The following TRIM49D1 variants were observed in gnomAD, a reference collection of about 807,000 sequenced individuals.
TRIM49D1 encodes the protein tripartite motif containing 49D1.
chr11:89,920,477 T>C lies in TRIM49D1; in HGVS notation c.-183A>G, dbSNP rs1438058950. On this transcript the variant is annotated 5_prime_UTR_variant, in exon 2 of 8. Transcript: ENST00000420869. ...AACTGAGCTTGTCTCTTCTATGTCC[T>C]TTTATAAGAATCTGTGAAGGCCACA... is the stretch of plus-strand genomic sequence containing the variant. 7.5e-6 allele frequency: 1 copy of C among 134,188 alleles called. No individual in the cohort carries two copies. Among genetic ancestry groups the C allele is most frequent in the Non-Finnish European group, 1.6e-5 (1 of 64,236 alleles). The allele number at this position is 134,188 out of a possible 1,614,324, so 8.3% of individuals were successfully genotyped here.
Position 89,921,889 on chromosome 11 carries a change from G to A in TRIM49D1, c.-253C>T, listed in dbSNP as rs958944880. On this transcript the variant is annotated 5_prime_UTR_variant, in exon 1 of 8. In the 5' UTR this introduces an upstream ATG that the reference lacks. Coordinates refer to ENST00000420869, the MANE Select transcript of TRIM49D1 (RefSeq NM_001384911.1). ...GCTAGTTACAAGAGCAGGACCTTTC[G>A]TTACATCTGCAAAATACCTTCCCAG... is the stretch of plus-strand genomic sequence containing the variant. 3.9e-5 allele frequency: 6 copies of A among 152,022 alleles called. No homozygotes were observed. The South Asian group carries it at 6.2e-4, about 16-fold the overall frequency. The allele number at this position is 152,022 out of a possible 1,614,324, so 9.4% of individuals were successfully genotyped here.
At chr11:89,920,790 T>C (rs575017864) in intron 1 of TRIM49D1, among the ~76,000 whole-genome samples, 14 of 152,104 alleles carry the variant, frequency 9.2e-5, no homozygotes, top group African/African-American at 2.7e-4. Flanking sequence ...TGGAGTGCAG[T>C]GGTACAGTCA....
At chr11:89,912,149 GA>G (rs1223999119) in intron 7 of TRIM49D1, 63 bp from the exon 8 acceptor site, 2 of 1,311,486 alleles carry the variant, frequency 1.5e-6, no homozygotes, top group African/African-American at 3.1e-5. Flanking sequence ...AAGAAAGAAA[GA>G]AAACATGCAT....
chr11:89,921,578 T>C (rs1007557561), intron 1 of TRIM49D1: 2 of 152,008 alleles, frequency 1.3e-5, no homozygotes, highest in Middle Eastern at 3.2e-3. Context: ...CCATAATATA[T>C]ATGAATACTT....
chr11:89,912,118 A>ATAAG, intron 7 of TRIM49D1, 32 bp from the exon 8 acceptor site: 1 of 1,326,630 alleles, frequency 7.5e-7, no homozygotes, highest in Non-Finnish European at 9.7e-7. Context: ...AAATAAATAA[A>ATAAG]TAAATAAATA....
rs1437696816 is a variant in TRIM49D1, at chr11:89,921,885, T to C, written c.-249A>G. ...ACTTGCTAGTTACAAGAGCAGGACCTTTCGTTACATCTGCAAAATACCTTC... is the reference window on the plus strand; with the variant it reads ...ACTTGCTAGTTACAAGAGCAGGACCCTTCGTTACATCTGCAAAATACCTTC... On this transcript the variant is annotated 5_prime_UTR_variant, in exon 1 of 8. Transcript: ENST00000420869. 1 of 152,108 alleles carries C rather than the reference T, an allele frequency of 6.6e-6. No individual in the cohort carries two copies. The highest frequency in any genetic ancestry group is 1.9e-4 in the East Asian group (1 of 5,190). The allele number at this position is 152,108 out of a possible 1,614,324, so 9.4% of individuals were successfully genotyped here. A position where few individuals can be genotyped will look rare whatever the true frequency, so the allele number is the denominator to read the frequency against.
intron 1 of TRIM49D1, among the ~76,000 whole-genome samples, chr11:89,920,862 A>T (rs1179937277): frequency 6.6e-6 from 1 of 151,986 alleles, no homozygotes; most frequent in Non-Finnish European, 1.5e-5. Flanking sequence ...CCTCCCAAGT[A>T]GCTAGGACTA....
intron 1 of TRIM49D1, among the ~76,000 whole-genome samples, chr11:89,920,856 C>T (rs1250694535): frequency 1.3e-5 from 2 of 151,948 alleles, no homozygotes; most frequent in African/African-American, 4.8e-5. Context: ...CTTCAGCCTC[C>T]CAAGTAGCTA....
intron 1 of TRIM49D1, chr11:89,921,558 A>T (rs1950332447): frequency 2.0e-5 from 3 of 152,044 alleles, no homozygotes; most frequent in Admixed American, 6.6e-5. Context: ...TTCAAAAATC[A>T]AAGCAGATCC....
rs567846194 is a variant in TRIM49D1 at position 89,920,617 on chromosome 11, A to G, written c.-215-108T>C. The G allele has an allele frequency of 1.7e-4, 65 of 372,356 alleles. 1 individual carries two copies. Among genetic ancestry groups the G allele is most frequent in the African/African-American group, 1.3e-3 (63 of 47,200 alleles). The allele number at this position is 372,356 out of a possible 1,614,324, so 23.1% of individuals were successfully genotyped here. ...TGATTAAATTATCATCACTCCTTAA[A>G]AAACCATGATTTAAATGAATCATAT... On this transcript the variant is annotated intron_variant, in intron 1 of 7. Transcript: ENST00000420869.
In TRIM49D1 at chr11:89,920,297, A is replaced by G. The variant is rs1950323946; in HGVS notation, c.-5+2T>C. The G allele has an allele frequency of 4.8e-6, 1 of 206,826 alleles. No homozygotes were observed. Among genetic ancestry groups the G allele is most frequent in the Non-Finnish European group, 7.9e-6 (1 of 127,288 alleles). 12.8% of individuals were successfully genotyped at this position (206,826 alleles called of 1,614,324 possible). A position where few individuals can be genotyped will look rare whatever the true frequency, so the allele number is the denominator to read the frequency against. ...AATTTTATCAATATAAGTTTCACTCACCGCTGGGTTCTTTGAAGGGTTCCC... is the reference window on the plus strand; with the variant it reads ...AATTTTATCAATATAAGTTTCACTCGCCGCTGGGTTCTTTGAAGGGTTCCC... On this transcript the variant is annotated splice_donor_variant, in intron 2 of 7. Transcript: ENST00000420869. LOFTEE classifies it low-confidence loss of function (5UTR_SPLICE).
rs182467602 is a variant in TRIM49D1, at chr11:89,920,619, A to T, written c.-215-110T>A. ...ATTAAATTATCATCACTCCTTAAAA[A>T]ACCATGATTTAAATGAATCATATGT... On this transcript the variant is annotated intron_variant, in intron 1 of 7. Transcript: ENST00000420869. 295 of 372,644 alleles carry T rather than the reference A, an allele frequency of 7.9e-4. 2 individuals are homozygous for T. Among genetic ancestry groups the T allele is most frequent in the Non-Finnish European group, 1.1e-3 (227 of 207,376 alleles). 23.1% of individuals were successfully genotyped at this position (372,644 alleles called of 1,614,324 possible).
At position 89,921,259 on chromosome 11, in the gene TRIM49D1, C is replaced by T. The variant is rs575587374; in HGVS notation, c.-216+593G>A. Among the ~76,000 whole-genome samples the T allele has an allele frequency of 1.0e-3, 152 of 151,934 alleles. 1 individual carries two copies. The highest frequency in any genetic ancestry group is 1.6e-3 in the Non-Finnish European group (107 of 67,990). ...TCTCCACATGGTGCATGATGTTCTG[C>T]CATGACTAGAAATGCAATATAGTAA... On this transcript the variant is annotated intron_variant, in intron 1 of 7. Transcript: ENST00000420869.
chr11:89,920,535 AG>A (rs1950325127), intron 1 of TRIM49D1, 26 bp from the exon 2 acceptor site: 1 of 175,962 alleles, frequency 5.7e-6, no homozygotes, highest in Non-Finnish European at 1.2e-5. Flanking sequence ...GTATTGAGAA[AG>A]GTTGAGAATA....
intron 7 of TRIM49D1, among the ~76,000 whole-genome samples, chr11:89,912,480 GGAAA>G (rs1950321082): frequency 6.8e-6 from 1 of 146,844 alleles, no homozygotes; most frequent in South Asian, 2.2e-4. Context: ...CTATCATTTT[GGAAA>G]GAATGTGAAG....
In TRIM49D1 at chr11:89,922,211, C is replaced by T. The variant is rs1950338849; in HGVS notation, c.-575G>A. On this transcript the variant is annotated 5_prime_UTR_variant, in exon 1 of 8. Coordinates refer to ENST00000420869, the MANE Select transcript of TRIM49D1 (RefSeq NM_001384911.1). ...GCCTGGAGTATGGGGATGTAATGCT[C>T]AGGGGCCAGACAGTCGGCTGCAGCA... 1.3e-5 allele frequency among the ~76,000 whole-genome samples: 2 copies of T among 151,980 alleles called. No individual in the cohort carries two copies. The highest frequency in any genetic ancestry group is 4.2e-4 in the South Asian group (2 of 4,792).
intron 1 of TRIM49D1, among the ~76,000 whole-genome samples, chr11:89,921,422 G>T (rs1348076084): frequency 2.0e-5 from 3 of 151,988 alleles, no homozygotes; most frequent in African/African-American, 7.3e-5. Flanking sequence ...AAAGAAAAGA[G>T]ATTTAAGAAG....
intron 1 of TRIM49D1, among the ~76,000 whole-genome samples, chr11:89,921,415 G>T (rs1309256660): frequency 6.6e-6 from 1 of 151,992 alleles, no homozygotes; most frequent in African/African-American, 2.4e-5. Flanking sequence ...ATTTAAAAAA[G>T]AAAAGAGATT....
chr11:89,912,475 A>G (rs1274767095), intron 7 of TRIM49D1, among the ~76,000 whole-genome samples: 1 of 147,760 alleles, frequency 6.8e-6, no homozygotes. Context: ...TAGTGCTATC[A>G]TTTTGGAAAG....
Sources: gnomAD v4.1 joint callset for allele counts (sites outside exome capture counted in the v4.1 genomes callset) on GRCh38, gnomAD v4.1.1 for gene constraint, MANE v1.5 for transcripts, NCBI Gene and HGNC (gene_info 2026-07-23, HGNC 2026-07-21) for gene names.